The following NDEL1 variants were observed in gnomAD, a reference collection of about 807,000 sequenced individuals.
NDEL1 encodes nudE neurodevelopment protein 1 like 1, also known as nuclear distribution protein nudE-like 1.
Under a neutral mutation model 45.7 loss-of-function variants are expected in NDEL1, and 9 were observed. The observed-to-expected ratio is 0.20, with a 90% CI of 0.12 to 0.34. The LOEUF (loss-of-function observed/expected upper bound fraction) is 0.34. Among genes scored for constraint, NDEL1 ranks in the 10% least tolerant of loss-of-function variants. The probability of loss-of-function intolerance (pLI) is 1.00; values close to 1 mark genes in which losing one functional copy is unlikely to be tolerated. For synonymous variants in NDEL1, 133 were observed against 158.6 expected (o/e 0.84, Z 1.21); for missense variants, 306 against 406.2 (o/e 0.75, Z 2.12).
At chr17:8,454,665 A>G (rs368013522) in intron 6 of NDEL1, 131 bp from the exon 7 acceptor site, 17 of 684,726 alleles carry the variant, frequency 2.5e-5, no homozygotes, top group Non-Finnish European at 3.1e-5. Flanking sequence ...TATGGTATCT[A>G]TACTTTATCC....
intron 1 of NDEL1, among the ~76,000 whole-genome samples, chr17:8,422,556 G>T (rs1908729796): frequency 6.6e-6 from 1 of 152,028 alleles, no homozygotes; most frequent in Non-Finnish European, 1.5e-5. Flanking sequence ...CCTGGAAGGG[G>T]CATTTCTACT....
intron 7 of NDEL1, among the ~76,000 whole-genome samples, chr17:8,459,451 G>C (rs530523685): frequency 2.8e-4 from 43 of 152,282 alleles, no homozygotes; most frequent in Non-Finnish European, 4.9e-4. Flanking sequence ...TACAGACAAA[G>C]GGTATCAGTT....
rs757797096 is a variant in NDEL1 at position 8,463,403 on chromosome 17, G to T, written c.944+3243G>T. The T allele has an allele frequency of 1.0e-5, 16 of 1,571,086 alleles. No homozygotes were observed. In the South Asian group the frequency reaches 1.8e-4, roughly 18 times the overall value. ...TCTTTTTCATTCTTTCTTAATCCTG[G>T]TGTGTGGTGGAAGACACATTAACAA... On this transcript the variant is annotated intron_variant, in intron 8 of 8. Coordinates refer to ENST00000334527, the MANE Select transcript of NDEL1 (RefSeq NM_030808.5).
At chr17:8,428,316 T>TATGTGTG (rs1908890118) in intron 1 of NDEL1, among the ~76,000 whole-genome samples, 1 of 145,922 alleles carries the variant, frequency 6.9e-6, no homozygotes, top group Non-Finnish European at 1.5e-5. Context: ...AAGGCTCAAG[T>TATGTGTG]GTGTGTGGTG....
chr17:8,468,421 A>G (rs550381220), downstream of NDEL1, among the ~76,000 whole-genome samples: 4 of 152,376 alleles, frequency 2.6e-5, no homozygotes, highest in East Asian at 7.7e-4. Flanking sequence ...TCTGAAAGGA[A>G]GGACCAGGAT....
chr17:8,426,952 C>A (rs1418572220), intron 1 of NDEL1, among the ~76,000 whole-genome samples: 2 of 152,190 alleles, frequency 1.3e-5, no homozygotes, highest in African/African-American at 4.8e-5. Flanking sequence ...TTTCTAAAAG[C>A]CACCTTCCAG....
At chr17:8,420,323 C>CA (rs928010899) in intron 1 of NDEL1, among the ~76,000 whole-genome samples, 3 of 152,142 alleles carry the variant, frequency 2.0e-5, no homozygotes, top group African/African-American at 7.2e-5. Flanking sequence ...GCTGCCCCCC[C>CA]AAAATAAAAA....
intron 1 of NDEL1, among the ~76,000 whole-genome samples, chr17:8,439,788 G>A (rs1433525145): frequency 1.3e-5 from 2 of 152,120 alleles, no homozygotes; most frequent in African/African-American, 4.8e-5. Flanking sequence ...TGAACATTTA[G>A]GTTTTTACTA....
At chr17:8,447,705 T>C (rs1390435201) in intron 4 of NDEL1, among the ~76,000 whole-genome samples, 2 of 152,232 alleles carry the variant, frequency 1.3e-5, no homozygotes, top group Non-Finnish European at 2.9e-5. Context: ...TGCCAAACTT[T>C]TATGCATGTG....
intron 2 of NDEL1, among the ~76,000 whole-genome samples, chr17:8,445,467 T>A (rs1910020305): frequency 8.7e-6 from 1 of 114,294 alleles, no homozygotes; most frequent in Non-Finnish European, 1.9e-5. Flanking sequence ...GCTAATGGTA[T>A]TGAGCCACGT....
intron 1 of NDEL1, among the ~76,000 whole-genome samples, chr17:8,413,726 G>T (rs1299952073): frequency 1.3e-5 from 2 of 152,160 alleles, no homozygotes; most frequent in East Asian, 3.9e-4. Flanking sequence ...TGGGCCATTT[G>T]CTTCCCTCTG....
At chr17:8,445,267 GAATGT>G (rs1326718471) in intron 2 of NDEL1, among the ~76,000 whole-genome samples, 1 of 152,166 alleles carries the variant, frequency 6.6e-6, no homozygotes, top group Non-Finnish European at 1.5e-5. Context: ...ATACAGAAGT[GAATGT>G]AATAACTACC....
At chr17:8,431,542 T>C (rs942275619), upstream of NDEL1, among the ~76,000 whole-genome samples, 1 of 152,166 alleles carries the variant, frequency 6.6e-6, no homozygotes, top group Non-Finnish European at 1.5e-5. Context: ...TCCCCCTTCT[T>C]GAGTAGCAAT....
chr17:8,437,964 A>T (rs1039502496), intron 1 of NDEL1, among the ~76,000 whole-genome samples: 2 of 149,650 alleles, frequency 1.3e-5, no homozygotes, highest in Admixed American at 1.3e-4. Flanking sequence ...GAGAATAATA[A>T]TTTTTTTTTT....
chr17:8,426,442 TATC>T (rs1309285210), intron 1 of NDEL1, among the ~76,000 whole-genome samples: 1 of 152,188 alleles, frequency 6.6e-6, no homozygotes, highest in Non-Finnish European at 1.5e-5. Context: ...TGTGAGCACA[TATC>T]ATTTTTTCCC....
intron 1 of NDEL1, among the ~76,000 whole-genome samples, chr17:8,414,711 G>A (rs1183101265): frequency 2.0e-5 from 3 of 152,146 alleles, no homozygotes; most frequent in East Asian, 1.9e-4. Context: ...ATTTGAGGCC[G>A]GGTCTTGCTA....
chr17:8,473,448 A>G (rs933567287), intron 3 of NDEL1, among the ~76,000 whole-genome samples: 1 of 152,114 alleles, frequency 6.6e-6, no homozygotes, highest in Non-Finnish European at 1.5e-5. Context: ...TGGCCTCCCA[A>G]AGTGCCGGGA....
intron 1 of NDEL1, among the ~76,000 whole-genome samples, chr17:8,424,762 C>G (rs1357355979): frequency 6.6e-6 from 1 of 152,206 alleles, no homozygotes; most frequent in Non-Finnish European, 1.5e-5. Context: ...CCTTGGCCTC[C>G]CAAAGTGCTG....
intron 6 of NDEL1, among the ~76,000 whole-genome samples, chr17:8,454,133 T>A (rs1310535382): frequency 6.6e-6 from 1 of 152,080 alleles, no homozygotes; most frequent in East Asian, 1.9e-4. Context: ...ATTATGACAT[T>A]AAGATGGAAA....
Sources: allele counts gnomAD v4.1 joint callset (sites outside exome capture counted in the v4.1 genomes callset), GRCh38; gene constraint gnomAD v4.1.1; transcripts MANE v1.5; gene names NCBI Gene and HGNC (gene_info 2026-07-23, HGNC 2026-07-21).